The following SMPD4 variants were observed in gnomAD, a reference collection of about 807,000 sequenced individuals.
The protein encoded by SMPD4 is neutral sphingomyelinase 3.
SMPD4 carries 58 observed loss-of-function variants against 97.8 expected under a neutral mutation model. The observed-to-expected ratio is 0.59, with a 90% confidence interval of 0.48 to 0.74. The LOEUF (loss-of-function observed/expected upper bound fraction) is 0.74. SMPD4 is among the 30% of genes least tolerant of loss of function. The pLI is 0.00. For missense variants in SMPD4, 853 were observed against 1,080.5 expected (o/e 0.79, Z 2.95); for synonymous variants, 388 against 450.0 (o/e 0.86, Z 1.74).
At chr2:130,155,385 A>G (rs779577454) in intron 14 of SMPD4, 126 bp from the exon 15 acceptor site, 356 of 1,312,542 alleles carry the variant, frequency 2.7e-4, no homozygotes, top group Non-Finnish European at 3.5e-4. Flanking sequence ...CAAGGTGACA[A>G]GCTGTCACAG....
Position 130,153,210 on chromosome 2 carries a change from G to A in SMPD4, c.2026-39C>T, listed in dbSNP as rs1558737462. On this transcript the variant is annotated intron_variant, in intron 18 of 19. Transcript: ENST00000680298. ...CCATGGGGATGGGTCAGAAAACACA[G>A]CCCCACACACAACTCAGAGGAGCCT... 1.9e-6 allele frequency: 3 copies of A among 1,613,394 alleles called. No homozygotes were observed. In the Admixed American group the frequency reaches 5.0e-5, roughly 27 times the overall value.
chr2:130,164,335 G>A (rs1420371045), intron 10 of SMPD4, 39 bp downstream of exon 10: 1 of 1,557,344 alleles, frequency 6.4e-7, no homozygotes, highest in South Asian at 1.1e-5. Flanking sequence ...GCTGAGCAGG[G>A]TCAGAAGCAG....
chr2:130,174,130 C>T (rs1452786763), intron 3 of SMPD4, among the ~76,000 whole-genome samples: 1 of 152,182 alleles, frequency 6.6e-6, no homozygotes, highest in Non-Finnish European at 1.5e-5. Flanking sequence ...GAGCAATCCC[C>T]CCACCTCAGC....
chr2:130,167,693 C>G, intron 8 of SMPD4, 103 bp from the exon 9 acceptor site: 2 of 1,310,900 alleles, frequency 1.5e-6, no homozygotes, highest in Non-Finnish European at 2.1e-6. Flanking sequence ...AGAGCAGGGA[C>G]AGATTACAAC....
chr2:130,167,630 C>T lies in SMPD4; in HGVS notation c.660-40G>A, dbSNP rs751127808. ...GAAACAGGCCCGAGTTACAGGCTCC[C>T]GCTGTAACTCGCTCCCGCTGTAACA... is the stretch of plus-strand genomic sequence containing the variant. On this transcript the variant is annotated intron_variant, in intron 8 of 19. Transcript: ENST00000680298. The T allele has an allele frequency of 2.4e-5, 38 of 1,552,918 alleles. No individual in the cohort carries two copies. In the Admixed American group the frequency reaches 4.7e-4, roughly 19 times the overall value.
chr2:130,180,906 G>A (rs550532833), intron 1 of SMPD4, among the ~76,000 whole-genome samples: 19 of 152,256 alleles, frequency 1.2e-4, no homozygotes, highest in African/African-American at 3.9e-4. Context: ...AGGTCTCTGC[G>A]TGCCATGCAC....
chr2:130,167,395 T>C (rs1688037454), intron 9 of SMPD4, 63 bp downstream of exon 9: 3 of 1,608,572 alleles, frequency 1.9e-6, no homozygotes, highest in East Asian at 2.2e-5. Context: ...TGCTGGGGAT[T>C]ATAGGCACGA....
In SMPD4 at chr2:130,173,511, T is replaced by C. The variant is rs1688673948; in HGVS notation, c.269+3A>G. 1 of 1,596,498 alleles carries C rather than the reference T, an allele frequency of 6.3e-7. No homozygotes were observed. The highest frequency in any genetic ancestry group is 1.1e-5 in the South Asian group (1 of 89,056). ...GCCTCTCTCCGGTGACCAACCTACC[T>C]ACCCAGGGTCGAGAAATTCCATCAC... On this transcript the variant is annotated splice_donor_region_variant and intron_variant, in intron 4 of 19. Transcript: ENST00000680298.
intron 14 of SMPD4, among the ~76,000 whole-genome samples, chr2:130,155,719 T>C (rs189954407): frequency 2.8e-4 from 43 of 152,148 alleles, no homozygotes; most frequent in Admixed American, 1.1e-3. Flanking sequence ...ACCGCTGCTC[T>C]GTTCTGTGCT....
At chr2:130,164,496 C>T (rs375408836) in intron 9 of SMPD4, 51 bp from the exon 10 acceptor site, 2 of 1,472,296 alleles carry the variant, frequency 1.4e-6, no homozygotes, top group South Asian at 1.1e-5. Flanking sequence ...GGTGTCAGAC[C>T]ATCCAGTGGG....
chr2:130,169,894 T>C (rs1471238713), intron 8 of SMPD4, among the ~76,000 whole-genome samples: 3 of 152,196 alleles, frequency 2.0e-5, no homozygotes, highest in African/African-American at 7.2e-5. Flanking sequence ...TCTGTAAATC[T>C]GAAGTTATTT....
chr2:130,171,500 G>A (rs1046662427), intron 8 of SMPD4, among the ~76,000 whole-genome samples: 9 of 152,194 alleles, frequency 5.9e-5, no homozygotes, highest in Non-Finnish European at 1.0e-4. Context: ...GCTGAATTCT[G>A]CATCTAAGAG....
rs758871250 is a variant in SMPD4 at position 130,173,268 on chromosome 2, G to A, written c.345+11C>T. ...CCCCGAGCACCACTCTCGCCACTGT[G>A]GTTTACTTACAGGCAAGTAGGAGAC... On this transcript the variant is annotated intron_variant, in intron 5 of 19. Transcript: ENST00000680298. 1.9e-6 allele frequency: 3 copies of A among 1,613,086 alleles called. No individual in the cohort carries two copies. In the Admixed American group the frequency reaches 5.0e-5, roughly 27 times the overall value.
intron 1 of SMPD4, chr2:130,181,299 A>C: frequency 7.1e-7 from 1 of 1,410,660 alleles, no homozygotes; most frequent in Non-Finnish European, 9.2e-7. Flanking sequence ...CACCTACCGG[A>C]CCGGGACAGA....
chr2:130,164,716 G>C (rs1311225840), intron 9 of SMPD4, among the ~76,000 whole-genome samples: 6 of 152,158 alleles, frequency 3.9e-5, no homozygotes, highest in African/African-American at 1.4e-4. Context: ...AATTAGATAT[G>C]ATGCCCAAAG....
At chr2:130,170,037 C>CAA (rs75700996) in intron 8 of SMPD4, among the ~76,000 whole-genome samples, 26 of 106,498 alleles carry the variant, frequency 2.4e-4, no homozygotes, top group African/African-American at 2.7e-4. Flanking sequence ...CATATCTCCG[C>CAA]AAAAAAAAAA....
rs758585625 is a variant in SMPD4 at position 130,153,879 on chromosome 2, G to A, written c.1716C>T (p.Ser572=). ...CAGCCGGGCTCTCCGCACACTGGTC[G>A]GAGATGGACTTGGCTGTGTGTTTGG... The part of the protein sequence containing the change: ...TQAKHTAKSI[S]DQCAESPAGH... Residue 572 remains serine, a synonymous_variant, in exon 17 of 20, where the codon TCC becomes TCT. Transcript: ENST00000680298. 4.5e-5 allele frequency: 72 copies of A among 1,613,768 alleles called. No individual in the cohort carries two copies. In the Middle Eastern group the frequency reaches 4.9e-4, roughly 11 times the overall value.
chr2:130,157,524 C>T, intron 11 of SMPD4, 128 bp from the exon 12 acceptor site: 1 of 1,506,310 alleles, frequency 6.6e-7, no homozygotes, highest in Non-Finnish European at 8.9e-7. Context: ...ATGAGCCAGG[C>T]CAGGAGTGGG....
In SMPD4 at chr2:130,156,151, G is replaced by A. The variant is rs764092502; in HGVS notation, c.1189-16C>T. 1.5e-5 allele frequency: 24 copies of A among 1,593,604 alleles called. No individual in the cohort carries two copies. The Middle Eastern group carries it at 6.6e-4, about 44-fold the overall frequency. On this transcript the variant is annotated splice_polypyrimidine_tract_variant and intron_variant, in intron 13 of 19. Coordinates refer to ENST00000680298, the MANE Select transcript of SMPD4 (RefSeq NM_017951.5). ...TCTCCAGGACCTGTGGGGGAGGTGT[G>A]TGCTAAGGGCTCCGTGGCTGGGGGC...
Sources: allele counts gnomAD v4.1 joint callset (sites outside exome capture counted in the v4.1 genomes callset), GRCh38; gene constraint gnomAD v4.1.1; transcripts MANE v1.5; gene names NCBI Gene and HGNC (gene_info 2026-07-23, HGNC 2026-07-21).